Variants in CELF2 observed in about 807,000 individuals in gnomAD.
CELF2 encodes CUG triplet repeat RNA-binding protein 2.
Under a neutral mutation model 62.6 loss-of-function variants are expected in CELF2, and 8 were observed. That is an observed-to-expected ratio of 0.13 (90% CI 0.07 to 0.23). The LOEUF is 0.23. Ranked by LOEUF, CELF2 falls within the 10% of genes least tolerant of loss-of-function variation. The pLI is 1.00. For missense variants in CELF2, 333 were observed against 671.0 expected (o/e 0.50, Z 5.56); for synonymous variants, 258 against 250.0 (o/e 1.03, Z -0.30).
chr10:10,995,191 A>G lies in CELF2; in HGVS notation c.89+75192A>G, dbSNP rs1353219194. ...TTTGAATCCTCCTTAGAGTAATTCA[A>G]CTTTAGATAACTAACACTGTAGTCC... is the stretch of plus-strand genomic sequence containing the variant. On this transcript the variant is annotated intron_variant, in intron 2 of 13. Transcript: ENST00000636488. This position sits in a 1 kb window ranked among gnomAD's most constrained non-coding sequence, Gnocchi z 4.7. 6.6e-6 allele frequency among the ~76,000 whole-genome samples: 1 copy of G among 152,210 alleles called. No homozygotes were observed. Among genetic ancestry groups the G allele is most frequent in the African/African-American group, 2.4e-5 (1 of 41,438 alleles).
In CELF2 at chr10:11,197,025, A is replaced by AAAAGAAAGAAAGAAAGAAAGAAAGAAAGG; in HGVS notation, c.272-20372_272-20371insGAAAGAAAGAAAGAAAGAAAGAAAGAAAG. On this transcript the variant is annotated intron_variant, in intron 2 of 12. Coordinates refer to ENST00000633077, the MANE Select transcript of CELF2 (RefSeq NM_001326342.2). ...AGGAGAAAGAAAGAAAGAAAGAAAGAAAAGAAAGAAAGAAAGAAAGAAAGA... is the reference window on the plus strand; with the variant it reads ...AGGAGAAAGAAAGAAAGAAAGAAAGAAAAGAAAGAAAGAAAGAAAGAAAGAAAGGAAAGAAAGAAAGAAAGAAAGAAAGA... Among the ~76,000 whole-genome samples, 2 of 26,132 alleles carry AAAAGAAAGAAAGAAAGAAAGAAAGAAAGG rather than the reference A, an allele frequency of 7.7e-5. 1 individual carries two copies. The allele number at this position is 26,132 out of a possible 152,430, so 17.1% of individuals were successfully genotyped here. A position where few individuals can be genotyped will look rare whatever the true frequency, so the allele number is the denominator to read the frequency against.
chr10:10,553,221 G>C, the CELF2 span, among the ~76,000 whole-genome samples: 2 of 152,072 alleles, frequency 1.3e-5, no homozygotes, highest in Admixed American at 6.6e-5. Context: ...TTATAAAACG[G>C]TCAGATCTCG....
At chr10:11,171,467 C>T (rs1389501695) in intron 2 of CELF2, 1 of 152,680 alleles carries the variant, frequency 6.5e-6, no homozygotes, top group African/African-American at 2.4e-5. Context: ...CAATCTCTCT[C>T]TAGTTCAGTA....
chr10:10,779,952 T>G, the CELF2 span, among the ~76,000 whole-genome samples: 2 of 152,028 alleles, frequency 1.3e-5, no homozygotes, highest in Admixed American at 1.3e-4. Flanking sequence ...GCAGAAAGGT[T>G]TGGGTGGGAC....
chr10:10,598,863 C>G, the CELF2 span, among the ~76,000 whole-genome samples: 60 of 140,706 alleles, frequency 4.3e-4, no homozygotes, highest in African/African-American at 1.6e-3. Context: ...AAGCAATTCT[C>G]TGCCTCAGCC....
Position 11,018,077 on chromosome 10 carries a change from T to A in CELF2, c.-13T>A. 1.4e-6 allele frequency: 2 copies of A among 1,451,764 alleles called. No individual in the cohort carries two copies. The highest frequency in any genetic ancestry group is 1.3e-5 in the South Asian group (1 of 78,966). The allele number at this position is 1,451,764 out of a possible 1,614,324, so 89.9% of individuals were successfully genotyped here. A position where few individuals can be genotyped will look rare whatever the true frequency, so the allele number is the denominator to read the frequency against. ...GCCGCCCCCCGCCGCTGCCGCCGCG[T>A]GCGCCCGCGAACATGACTTCTGCCT... On this transcript the variant is annotated 5_prime_UTR_variant, in exon 1 of 13. Transcript: ENST00000633077.
intron 1 of CELF2, among the ~76,000 whole-genome samples, chr10:10,875,462 A>G (rs900956699): frequency 6.6e-6 from 1 of 152,158 alleles, no homozygotes; most frequent in Non-Finnish European, 1.5e-5. Context: ...TCAGCCTTAA[A>G]ATTATAAAAA....
intron 2 of CELF2, among the ~76,000 whole-genome samples, chr10:10,961,790 C>T (rs1313093835): frequency 6.6e-6 from 1 of 151,976 alleles, no homozygotes; most frequent in African/African-American, 2.4e-5. Context: ...AGTTTGAAAT[C>T]TTTCCCACAT....
rs137874361 is a variant in CELF2 at position 11,046,581 on chromosome 10, G to A, written c.74+28418G>A. Among the ~76,000 whole-genome samples, 1 of 152,234 alleles carries A rather than the reference G, an allele frequency of 6.6e-6. No homozygotes were observed. Among genetic ancestry groups the A allele is most frequent in the Non-Finnish European group, 1.5e-5 (1 of 68,008 alleles). On this transcript the variant is annotated intron_variant, in intron 1 of 12. Transcript: ENST00000633077. This position sits in a 1 kb window ranked among gnomAD's most constrained non-coding sequence, Gnocchi z 4.6. ...AGTGCTAATTTTCATGGCTTCTGTG[G>A]TCCCTGAAGTACGAGCTTTTTCATA...
In CELF2 at chr10:11,012,711, C is replaced by T. The variant is rs1057091529; in HGVS notation, c.53+7271C>T. On this transcript the variant is annotated intron_variant, in intron 1 of 12. Transcript: ENST00000416382. The surrounding 1 kb of genome is among the most constrained non-coding windows in gnomAD (Gnocchi z 5.5). The stretch of plus-strand genomic sequence containing the variant: ...TTCTGACCAGTTGGGGAAAACATGT[C>T]GTCGGGGTGGGGGCAGTGAGGGGTG... 6.6e-6 allele frequency among the ~76,000 whole-genome samples: 1 copy of T among 152,046 alleles called. No individual in the cohort carries two copies. Among genetic ancestry groups the T allele is most frequent in the Non-Finnish European group, 1.5e-5 (1 of 68,024 alleles).
chr10:10,950,902 A>G (rs201070), intron 2 of CELF2, among the ~76,000 whole-genome samples: 88,118 of 152,066 alleles, frequency 0.58, 27,536 homozygotes, highest in East Asian at 0.8. Flanking sequence ...GAATTTCCAC[A>G]GAAAACACCT....
At chr10:10,650,651 G>A in the CELF2 span, among the ~76,000 whole-genome samples, 2 of 152,200 alleles carry the variant, frequency 1.3e-5, no homozygotes, top group Admixed American at 6.5e-5. Context: ...CTCTAGGATG[G>A]CTATCATGAA....
At chr10:11,199,157 A>T (rs892145295) in intron 2 of CELF2, among the ~76,000 whole-genome samples, 4 of 152,194 alleles carry the variant, frequency 2.6e-5, no homozygotes, top group Admixed American at 2.0e-4. Context: ...GTTTTATTAG[A>T]ACCCAAGACC....
At chr10:11,277,241 C>A (rs1222730821) in intron 8 of CELF2, among the ~76,000 whole-genome samples, 2 of 152,226 alleles carry the variant, frequency 1.3e-5, no homozygotes, top group South Asian at 2.1e-4. Context: ...ACGCTCTTGT[C>A]TTGTCCCAAA....
chr10:10,787,300 T>C, the CELF2 span, among the ~76,000 whole-genome samples: 1 of 152,214 alleles, frequency 6.6e-6, no homozygotes, highest in Non-Finnish European at 1.5e-5. Flanking sequence ...ATTATAATGG[T>C]TTCTAGTCCA....
At chr10:10,489,560 G>A in the CELF2 span, among the ~76,000 whole-genome samples, 1 of 152,038 alleles carries the variant, frequency 6.6e-6, no homozygotes, top group Admixed American at 6.6e-5. Flanking sequence ...GTGTATATTA[G>A]AAATGAATTC....
At chr10:11,058,483 T>TGTGATGGAG (rs2065897543) in intron 1 of CELF2, among the ~76,000 whole-genome samples, 1 of 148,270 alleles carries the variant, frequency 6.7e-6, no homozygotes, top group African/African-American at 2.5e-5. Context: ...TTTTTTTTTT[T>TGTGATGGAG]TGTGATGGAG....
At chr10:10,683,056 T>C in the CELF2 span, among the ~76,000 whole-genome samples, 1 of 152,270 alleles carries the variant, frequency 6.6e-6, no homozygotes, top group East Asian at 1.9e-4. Context: ...ATTTCAAGTA[T>C]CAAAATAGCA....
At chr10:10,540,988 T>C in the CELF2 span, among the ~76,000 whole-genome samples, 1 of 152,092 alleles carries the variant, frequency 6.6e-6, no homozygotes, top group Non-Finnish European at 1.5e-5. Flanking sequence ...ATCGCGCCAC[T>C]GCACTCCAGC....
Sources: allele counts gnomAD v4.1 joint callset (sites outside exome capture counted in the v4.1 genomes callset), GRCh38; gene constraint gnomAD v4.1.1; non-coding constraint Gnocchi (gnomAD v3.1); transcripts MANE v1.5; gene names NCBI Gene and HGNC (gene_info 2026-07-23, HGNC 2026-07-21).